Variants in TSG101 observed in about 807,000 individuals in gnomAD.
TSG101 encodes tumor susceptibility gene 101 protein.
In TSG101, 19 loss-of-function variants were observed where a neutral mutation model predicts 48.5. The ratio of observed to expected loss-of-function variants is 0.39; its 90% confidence interval spans 0.27 to 0.58. The LOEUF (loss-of-function observed/expected upper bound fraction) is 0.58. TSG101 is among the 20% of genes least tolerant of loss of function. The probability of loss-of-function intolerance (pLI) is 0.55; values close to 1 mark genes in which losing one functional copy is unlikely to be tolerated. For missense variants in TSG101, 365 were observed against 484.4 expected (o/e 0.75, Z 2.31); for synonymous variants, 174 against 169.4 (o/e 1.03, Z -0.21).
chr11:18,483,843 A>T, intron 8 of TSG101, 27 bp downstream of exon 8: 2 of 1,612,444 alleles, frequency 1.2e-6, no homozygotes, highest in African/African-American at 1.3e-5. Context: ...CAATCCAAAA[A>T]TTTTAAGTCT....
chr11:18,523,985 C>G (rs1344742734), intron 1 of TSG101, among the ~76,000 whole-genome samples: 2 of 152,106 alleles, frequency 1.3e-5, no homozygotes, highest in African/African-American at 4.8e-5. Flanking sequence ...GAGACAGAGT[C>G]TAGCTATGTT....
chr11:18,509,394 G>A, intron 5 of TSG101, 148 bp downstream of exon 5: 1 of 1,061,150 alleles, frequency 9.4e-7, no homozygotes, highest in Non-Finnish European at 1.3e-6. Flanking sequence ...TGTACATGCA[G>A]ATGTGGGGCC....
At chr11:18,495,666 G>GTT (rs35958204) in intron 7 of TSG101, among the ~76,000 whole-genome samples, 10 of 135,902 alleles carry the variant, frequency 7.4e-5, no homozygotes, top group Non-Finnish European at 1.1e-4. Flanking sequence ...TACCAGTTAG[G>GTT]TTTTTTTTTT....
chr11:18,508,221 CTT>C (rs528297285), intron 5 of TSG101, among the ~76,000 whole-genome samples: 59 of 135,782 alleles, frequency 4.3e-4, no homozygotes, highest in Middle Eastern at 3.9e-3. Flanking sequence ...TATTTGATAT[CTT>C]TTTTTTTTTT....
At position 18,480,557 on chromosome 11, in the gene TSG101, C is replaced by T. The variant is rs866807336; in HGVS notation, c.1162G>A (p.Asp388Asn). 6.2e-7 allele frequency: 1 copy of T among 1,613,662 alleles called. No individual in the cohort carries two copies. Residue 388 changes from aspartate to asparagine, a missense_variant, in exon 10 of 10, where the codon GAC (aspartate) becomes AAC (asparagine). Transcript: ENST00000251968. ...QKARKTAGLS[D>N]LY ...TGGTATCAGAGAAGTCAGTAGAGGT[C>T]ACTGAGACCGGCAGTCTTTCTTGCT...
At chr11:18,492,637 C>T (rs1849715328) in intron 7 of TSG101, among the ~76,000 whole-genome samples, 1 of 152,050 alleles carries the variant, frequency 6.6e-6, no homozygotes, top group Admixed American at 6.6e-5. Context: ...GCAGCAGTCG[C>T]TTGGCCTATA....
chr11:18,485,746 A>T (rs1431098205), intron 7 of TSG101, among the ~76,000 whole-genome samples: 5 of 152,238 alleles, frequency 3.3e-5, no homozygotes, highest in African/African-American at 1.2e-4. Context: ...ATGTGGTTGG[A>T]AACAGTGCTG....
At chr11:18,508,221 C>G (rs1010801594) in intron 5 of TSG101, among the ~76,000 whole-genome samples, 1 of 135,896 alleles carries the variant, frequency 7.4e-6, no homozygotes, top group African/African-American at 2.7e-5. Context: ...TATTTGATAT[C>G]TTTTTTTTTT....
At chr11:18,499,402 A>ATATATATATATATATATT in intron 7 of TSG101, among the ~76,000 whole-genome samples, 3 of 5,452 alleles carry the variant, frequency 5.5e-4, no homozygotes, top group East Asian at 9.1e-3. Context: ...ATATATATAT[A>ATATATATATATATATATT]TTTTTTTTTT....
At chr11:18,499,571 C>T (rs905508213) in intron 7 of TSG101, among the ~76,000 whole-genome samples, 9 of 148,704 alleles carry the variant, frequency 6.1e-5, no homozygotes, top group East Asian at 2.0e-4. Context: ...CCACCACGCC[C>T]GGCTAATTTT....
chr11:18,505,522 G>A (rs1849955805), intron 6 of TSG101, among the ~76,000 whole-genome samples: 1 of 152,150 alleles, frequency 6.6e-6, no homozygotes, highest in Non-Finnish European at 1.5e-5. Context: ...CAAAGTGCTG[G>A]GTGGGATTTT....
In TSG101 at chr11:18,517,809, C is replaced by T. The variant is rs537972887; in HGVS notation, c.128-1645G>A. On this transcript the variant is annotated intron_variant, in intron 2 of 9. Coordinates refer to ENST00000251968, the MANE Select transcript of TSG101 (RefSeq NM_006292.4). Reference sequence around the variant, plus strand: ...CATATCTCTATCACTACAAAATGCACGACTGTACATTCTTGACCTTTGTTA... The same window carrying T: ...CATATCTCTATCACTACAAAATGCATGACTGTACATTCTTGACCTTTGTTA... Among the ~76,000 whole-genome samples, 3 of 152,286 alleles carry T rather than the reference C, an allele frequency of 2.0e-5. 1 individual carries two copies. The highest frequency in any genetic ancestry group is 4.1e-4 in the South Asian group (2 of 4,824).
chr11:18,504,198 C>T (rs1242860001), intron 6 of TSG101, among the ~76,000 whole-genome samples: 1 of 122,026 alleles, frequency 8.2e-6, no homozygotes, highest in African/African-American at 3.5e-5. Context: ...AAGCCCCCAT[C>T]TCAAAAAAAA....
chr11:18,492,702 T>C (rs917881827), intron 7 of TSG101, among the ~76,000 whole-genome samples: 9 of 151,546 alleles, frequency 5.9e-5, no homozygotes, highest in Non-Finnish European at 1.2e-4. Context: ...CCTAGTCTTA[T>C]CTCTATCACA....
At chr11:18,487,685 C>CA (rs1281991002) in intron 7 of TSG101, among the ~76,000 whole-genome samples, 3 of 151,808 alleles carry the variant, frequency 2.0e-5, no homozygotes, top group Non-Finnish European at 4.4e-5. Context: ...TTTGCTATTG[C>CA]AAAAAACAAA....
chr11:18,518,171 A>C (rs1850210553), intron 2 of TSG101, among the ~76,000 whole-genome samples: 1 of 152,218 alleles, frequency 6.6e-6, no homozygotes, highest in African/African-American at 2.4e-5. Flanking sequence ...TACATATAGT[A>C]TGCAGACAGA....
chr11:18,498,912 T>G (rs1026247978), intron 7 of TSG101, among the ~76,000 whole-genome samples: 4 of 151,784 alleles, frequency 2.6e-5, no homozygotes, highest in African/African-American at 9.7e-5. Flanking sequence ...AAGAGGAAAG[T>G]GTATCAAGGA....
intron 4 of TSG101, 78 bp downstream of exon 4, chr11:18,514,600 G>A (rs766745878): frequency 2.4e-6 from 3 of 1,231,650 alleles, no homozygotes; most frequent in Non-Finnish European, 3.3e-6. Flanking sequence ...AATCCTCCTT[G>A]AGTGCTAAAA....
intron 7 of TSG101, among the ~76,000 whole-genome samples, chr11:18,487,602 G>A (rs573492732): frequency 2.0e-5 from 3 of 152,150 alleles, no homozygotes; most frequent in Non-Finnish European, 4.4e-5. Context: ...CCAGGCTCAA[G>A]CTATCCTCCT....
Sources: gnomAD v4.1 joint callset for allele counts (sites outside exome capture counted in the v4.1 genomes callset) on GRCh38, gnomAD v4.1.1 for gene constraint, MANE v1.5 for transcripts, NCBI Gene and HGNC (gene_info 2026-07-23, HGNC 2026-07-21) for gene names.